SEMA3C: variants seen among roughly 807,000 people sequenced by gnomAD.
SEMA3C encodes the protein semaphorin-3C.
A neutral mutation model predicts 89.4 loss-of-function variants in SEMA3C; 47 were observed. The observed-to-expected ratio is 0.53, with a 90% CI of 0.42 to 0.67. The LOEUF (loss-of-function observed/expected upper bound fraction) is 0.67, where lower values mean the gene tolerates loss of function less well. Ranked by LOEUF, SEMA3C falls within the 30% of genes least tolerant of loss-of-function variation. The pLI is 0.00. For missense variants in SEMA3C, 839 were observed against 929.1 expected (o/e 0.90, Z 1.26); for synonymous variants, 310 against 320.2 (o/e 0.97, Z 0.34).
rs530382871 is a variant in SEMA3C, at chr7:80,769,193, C to G, written c.1355-3950G>C. 1.5e-4 allele frequency among the ~76,000 whole-genome samples: 23 copies of G among 152,218 alleles called. No homozygotes were observed. In the East Asian group the frequency reaches 4.4e-3, roughly 29 times the overall value. ...GGTACTCATTATCTTAGGCATTTAT[C>G]ATTTCTTTGTGTTAGGAACATTCCA... On this transcript the variant is annotated intron_variant, in intron 12 of 17. Coordinates refer to ENST00000265361, the MANE Select transcript of SEMA3C (RefSeq NM_006379.5).
intron 2 of SEMA3C, among the ~76,000 whole-genome samples, chr7:80,847,904 A>C (rs1222483810): frequency 6.6e-6 from 1 of 152,186 alleles, no homozygotes; most frequent in Non-Finnish European, 1.5e-5. Context: ...GGTTGAACTA[A>C]ATAATCAGTA....
In SEMA3C at chr7:80,828,748, G is replaced by C. The variant is rs1304061185; in HGVS notation, c.104-3C>G. The C allele has an allele frequency of 8.1e-6, 13 of 1,602,792 alleles. No homozygotes were observed. Among genetic ancestry groups the C allele is most frequent in the Non-Finnish European group, 1.0e-5 (12 of 1,173,064 alleles). ...AGAGGTCTTGGTTTCTCGAAGTTCT[G>C]AAAGAGTGAACAGCACAAGTGTAGA... On this transcript the variant is annotated splice_region_variant and splice_polypyrimidine_tract_variant and intron_variant, in intron 2 of 17. Coordinates refer to ENST00000265361, the MANE Select transcript of SEMA3C (RefSeq NM_006379.5).
upstream of SEMA3C, among the ~76,000 whole-genome samples, chr7:80,920,480 C>A (rs1057374146): frequency 6.6e-6 from 1 of 152,166 alleles, no homozygotes; most frequent in African/African-American, 2.4e-5. Flanking sequence ...AATGAAATCT[C>A]AGGTAGGAGG....
intron 12 of SEMA3C, among the ~76,000 whole-genome samples, chr7:80,769,352 G>A (rs1788375081): frequency 6.6e-6 from 1 of 152,140 alleles, no homozygotes; most frequent in South Asian, 2.1e-4. Context: ...GTTTTGCTTA[G>A]AAAGGTTCTG....
chr7:80,772,611 T>C (rs1259747273), intron 12 of SEMA3C, among the ~76,000 whole-genome samples: 1 of 152,110 alleles, frequency 6.6e-6, no homozygotes, highest in Non-Finnish European at 1.5e-5. Context: ...ACAAAAGCCA[T>C]CTAATCATCT....
At chr7:80,872,509 T>C (rs1791085802) in intron 2 of SEMA3C, among the ~76,000 whole-genome samples, 1 of 152,142 alleles carries the variant, frequency 6.6e-6, no homozygotes, top group East Asian at 1.9e-4. Flanking sequence ...TAATAGAAGA[T>C]TGCTGAATTC....
At chr7:80,769,601 G>A (rs1268979199) in intron 12 of SEMA3C, among the ~76,000 whole-genome samples, 1 of 152,154 alleles carries the variant, frequency 6.6e-6, no homozygotes, top group African/African-American at 2.4e-5. Context: ...GCTCACGCCT[G>A]TAATCCCAGC....
chr7:80,791,474 A>G (rs1788939424), intron 11 of SEMA3C, among the ~76,000 whole-genome samples: 1 of 152,144 alleles, frequency 6.6e-6, no homozygotes, highest in Non-Finnish European at 1.5e-5. Flanking sequence ...TATCCTCTTT[A>G]GAGAGGTATG....
At chr7:80,851,504 T>TAAAAAAAA (rs35936052) in intron 2 of SEMA3C, among the ~76,000 whole-genome samples, 35 of 69,804 alleles carry the variant, frequency 5.0e-4, no homozygotes, top group African/African-American at 1.7e-3. Flanking sequence ...CTCTTGTCTT[T>TAAAAAAAA]AAAAAAAAAA....
At chr7:80,791,834 G>A (rs1260925159) in intron 11 of SEMA3C, among the ~76,000 whole-genome samples, 1 of 152,180 alleles carries the variant, frequency 6.6e-6, no homozygotes, top group East Asian at 1.9e-4. Context: ...TTGGGCCAAT[G>A]TTGTCAGGCA....
intron 2 of SEMA3C, among the ~76,000 whole-genome samples, chr7:80,852,727 A>G (rs1263101302): frequency 6.8e-6 from 1 of 146,140 alleles, no homozygotes; most frequent in Non-Finnish European, 1.5e-5. Flanking sequence ...TGCCCAGGCT[A>G]GAGTGCAGTG....
chr7:80,827,495 G>C lies in SEMA3C; in HGVS notation c.265-8C>G, dbSNP rs71555076. 6.3e-7 allele frequency: 1 copy of C among 1,584,888 alleles called. No individual in the cohort carries two copies. The highest frequency in any genetic ancestry group is 1.8e-5 in the Admixed American group (1 of 55,748). On this transcript the variant is annotated splice_region_variant and splice_polypyrimidine_tract_variant and intron_variant, in intron 3 of 17. Transcript: ENST00000265361. ...AGATGCTGGCCAGAAAACCTGCTCA[G>C]AAAGAAAAATAAAGGTTGCATAATC...
chr7:80,805,575 G>A, intron 7 of SEMA3C, 64 bp downstream of exon 7: 2 of 1,398,186 alleles, frequency 1.4e-6, no homozygotes, highest in Non-Finnish European at 1.9e-6. Context: ...TAGTTGTTAG[G>A]ATAGAATTAA....
chr7:80,837,194 A>G (rs1790153645), intron 2 of SEMA3C, among the ~76,000 whole-genome samples: 1 of 152,176 alleles, frequency 6.6e-6, no homozygotes, highest in South Asian at 2.1e-4. Flanking sequence ...TATTTCACAA[A>G]CGTCGGATTA....
intron 12 of SEMA3C, among the ~76,000 whole-genome samples, chr7:80,787,605 T>C (rs1788835176): frequency 6.6e-6 from 1 of 152,090 alleles, no homozygotes; most frequent in African/African-American, 2.4e-5. Flanking sequence ...TAAAAGCCTA[T>C]ATTTTTCTTA....
At chr7:80,806,294 T>C (rs1372534954) in intron 6 of SEMA3C, among the ~76,000 whole-genome samples, 2 of 152,116 alleles carry the variant, frequency 1.3e-5, no homozygotes, top group African/African-American at 2.4e-5. Flanking sequence ...TTAACACATA[T>C]TAAAATTTCT....
intron 6 of SEMA3C, among the ~76,000 whole-genome samples, chr7:80,808,175 A>C (rs573640095): frequency 4.1e-4 from 63 of 152,312 alleles, no homozygotes; most frequent in Admixed American, 1.7e-3. Flanking sequence ...TTTAGCAAGA[A>C]AATTTATAAT....
intron 2 of SEMA3C, among the ~76,000 whole-genome samples, chr7:80,867,692 T>C (rs558752698): frequency 3.3e-5 from 5 of 151,250 alleles, no homozygotes; most frequent in Non-Finnish European, 5.9e-5. Context: ...GTTTATCATT[T>C]CTTTCTATAT....
intron 2 of SEMA3C, among the ~76,000 whole-genome samples, chr7:80,875,959 G>A (rs1791191807): frequency 6.6e-6 from 1 of 152,010 alleles, no homozygotes; most frequent in African/African-American, 2.4e-5. Flanking sequence ...AAAAAAATGT[G>A]CTAGTTTTGC....
Sources: allele counts gnomAD v4.1 joint callset (sites outside exome capture counted in the v4.1 genomes callset), GRCh38; gene constraint gnomAD v4.1.1; transcripts MANE v1.5; gene names NCBI Gene and HGNC (gene_info 2026-07-23, HGNC 2026-07-21).